The following CTNNA3 variants were observed in gnomAD, a reference collection of about 807,000 sequenced individuals.
CTNNA3 encodes the protein catenin alpha 3, also known as catenin alpha-3.
In CTNNA3, 76 loss-of-function variants were observed where a neutral mutation model predicts 95.7. The observed-to-expected ratio is 0.79, with a 90% CI of 0.66 to 0.96. The LOEUF (loss-of-function observed/expected upper bound fraction) is 0.96, where lower values mean the gene tolerates loss of function less well. Ranked by LOEUF, CTNNA3 falls within the 40% of genes least tolerant of loss-of-function variation. CTNNA3 has a pLI of 0.00. For missense variants in CTNNA3, 1,191 were observed against 1,089.8 expected (o/e 1.09, Z -1.31); for synonymous variants, 431 against 374.4 (o/e 1.15, Z -1.74).
chr10:66,074,000 C>A (rs116713259), intron 14 of CTNNA3, among the ~76,000 whole-genome samples: 1 of 152,040 alleles, frequency 6.6e-6, no homozygotes, highest in Non-Finnish European at 1.5e-5. Context: ...CTCCTTCTAT[C>A]TTCTGCTAGT....
rs73262214 is a variant in CTNNA3 at position 67,177,972 on chromosome 10, C to G, written c.1047+2345G>C. On this transcript the variant is annotated intron_variant, in intron 7 of 17. Transcript: ENST00000433211. ...TAGGATCCCAATTTTAGACAGGGGTCCCAGGCTTGGGTTTTCATGCTCTGC... is the reference window on the plus strand; with the variant it reads ...TAGGATCCCAATTTTAGACAGGGGTGCCAGGCTTGGGTTTTCATGCTCTGC... Among the ~76,000 whole-genome samples the G allele has an allele frequency of 7.8e-3, 1,187 of 152,262 alleles. 9 individuals are homozygous for G. Among genetic ancestry groups the G allele is most frequent in the African/African-American group, 0.028 (1,144 of 41,554 alleles).
chr10:67,391,527 C>T (rs1311863064), intron 5 of CTNNA3, among the ~76,000 whole-genome samples: 1 of 151,854 alleles, frequency 6.6e-6, no homozygotes, highest in East Asian at 1.9e-4. Flanking sequence ...CTACCAATGC[C>T]TTTCTTCACA....
At chr10:66,167,329 T>C (rs1216513231) in intron 13 of CTNNA3, among the ~76,000 whole-genome samples, 1 of 152,174 alleles carries the variant, frequency 6.6e-6, no homozygotes, top group Non-Finnish European at 1.5e-5. Context: ...TCTATAAGAA[T>C]TGAAGCAGTT....
intron 7 of CTNNA3, among the ~76,000 whole-genome samples, chr10:66,778,263 G>A (rs1840391968): frequency 6.6e-6 from 1 of 152,000 alleles, no homozygotes; most frequent in Admixed American, 6.6e-5. Context: ...GCCATTTTAT[G>A]CCTCTTTATT....
At chr10:66,269,902 C>T (rs1464772581) in intron 13 of CTNNA3, among the ~76,000 whole-genome samples, 2 of 152,126 alleles carry the variant, frequency 1.3e-5, no homozygotes, top group Non-Finnish European at 2.9e-5. Context: ...GCAGAAGCTT[C>T]TACGAAGACA....
chr10:67,301,356 T>A (rs1389720674), intron 5 of CTNNA3, among the ~76,000 whole-genome samples: 1 of 152,074 alleles, frequency 6.6e-6, no homozygotes, highest in Non-Finnish European at 1.5e-5. Flanking sequence ...GGAAGATAAG[T>A]ATAGGAGAGA....
intron 12 of CTNNA3, among the ~76,000 whole-genome samples, chr10:66,304,806 T>G (rs2091910406): frequency 6.6e-6 from 1 of 152,082 alleles, no homozygotes; most frequent in South Asian, 2.1e-4. Context: ...TTCAGAACAG[T>G]GATTAAGTAA....
chr10:67,729,155 GC>G (rs1381967003), intron 1 of CTNNA3, among the ~76,000 whole-genome samples: 1 of 151,962 alleles, frequency 6.6e-6, no homozygotes, highest in Admixed American at 6.6e-5. Context: ...GCAGACTCTG[GC>G]CCTTTTCCTA....
intron 12 of CTNNA3, among the ~76,000 whole-genome samples, chr10:66,297,540 T>C (rs564826063): frequency 2.0e-5 from 3 of 152,312 alleles, no homozygotes; most frequent in South Asian, 2.1e-4. Flanking sequence ...ATTGCATTTT[T>C]CTGCAATATC....
intron 13 of CTNNA3, among the ~76,000 whole-genome samples, chr10:66,177,715 T>C (rs1363542082): frequency 6.6e-6 from 1 of 152,018 alleles, no homozygotes. Context: ...TGGGTACCTA[T>C]ATACATGTTT....
chr10:67,216,141 A>T (rs1864349910), intron 6 of CTNNA3, among the ~76,000 whole-genome samples: 1 of 152,138 alleles, frequency 6.6e-6, no homozygotes, highest in Non-Finnish European at 1.5e-5. Flanking sequence ...ACTAACAGAG[A>T]TCCTGTTTTC....
intron 1 of CTNNA3, among the ~76,000 whole-genome samples, chr10:67,676,675 G>T (rs1589559000): frequency 6.6e-6 from 1 of 152,244 alleles, no homozygotes; most frequent in African/African-American, 2.4e-5. Context: ...TTTACTGATG[G>T]AAGCTGACTC....
At chr10:66,522,671 A>G (rs1392475118) in intron 10 of CTNNA3, among the ~76,000 whole-genome samples, 5 of 151,814 alleles carry the variant, frequency 3.3e-5, no homozygotes, top group African/African-American at 4.8e-5. Flanking sequence ...ACCCAGTCTC[A>G]GTTCTGTCTT....
chr10:66,011,381 G>T (rs1483790076), intron 15 of CTNNA3, among the ~76,000 whole-genome samples: 1 of 151,598 alleles, frequency 6.6e-6, no homozygotes, highest in Non-Finnish European at 1.5e-5. Context: ...TCTCCTGCTA[G>T]TTAAAACCAG....
At chr10:67,498,874 C>T (rs1287869957) in intron 5 of CTNNA3, among the ~76,000 whole-genome samples, 1 of 152,200 alleles carries the variant, frequency 6.6e-6, no homozygotes, top group Non-Finnish European at 1.5e-5. Flanking sequence ...ATCATGTCAT[C>T]TGCAAACAGA....
At chr10:67,313,602 G>A (rs1279658290) in intron 5 of CTNNA3, among the ~76,000 whole-genome samples, 1 of 151,824 alleles carries the variant, frequency 6.6e-6, no homozygotes, top group African/African-American at 2.4e-5. Flanking sequence ...TGTAATTTGT[G>A]CTAGAGAAAA....
chr10:66,262,336 A>T (rs1272296860), intron 13 of CTNNA3, among the ~76,000 whole-genome samples: 1 of 152,004 alleles, frequency 6.6e-6, no homozygotes, highest in Non-Finnish European at 1.5e-5. Context: ...CCATATTTTT[A>T]AATCTAAACC....
At chr10:67,606,823 GC>G in intron 3 of CTNNA3, 33 bp downstream of exon 3, 1 of 1,509,372 alleles carries the variant, frequency 6.6e-7, no homozygotes, top group Non-Finnish European at 9.1e-7. Flanking sequence ...CTAAAGATAT[GC>G]AGTTTGCTCC....
intron 13 of CTNNA3, among the ~76,000 whole-genome samples, chr10:66,229,379 T>C (rs1289899608): frequency 6.6e-6 from 1 of 152,296 alleles, no homozygotes; most frequent in Admixed American, 6.5e-5. Flanking sequence ...CGTGTCAGGC[T>C]CTCTTATGCA....
Sources: allele counts gnomAD v4.1 joint callset (sites outside exome capture counted in the v4.1 genomes callset), GRCh38; gene constraint gnomAD v4.1.1; transcripts MANE v1.5; gene names NCBI Gene and HGNC (gene_info 2026-07-23, HGNC 2026-07-21).